ATP2C2: variants seen among roughly 807,000 people sequenced by gnomAD.
ATP2C2 encodes the protein ATPase secretory pathway Ca2+ transporting 2.
In ATP2C2, 171 loss-of-function variants were observed where a neutral mutation model predicts 110.8. That is an observed-to-expected ratio of 1.54 (90% CI 1.36 to 1.75). The LOEUF is 1.75. Ranked by LOEUF, ATP2C2 falls within the 40% of genes most tolerant of loss-of-function variation. The probability of loss-of-function intolerance (pLI) is 0.00; values close to 1 mark genes in which losing one functional copy is unlikely to be tolerated. For missense variants in ATP2C2, 1,963 were observed against 1,235.0 expected, an observed-to-expected ratio of 1.59 and a Z score of -8.84; for synonymous variants, 804 against 508.4, an observed-to-expected ratio of 1.58 and a Z score of -7.82.
chr16:84,433,510 G>A (rs1224107024), intron 11 of ATP2C2, among the ~76,000 whole-genome samples: 12 of 151,948 alleles, frequency 7.9e-5, no homozygotes, highest in East Asian at 1.9e-4. Context: ...AAAATTAGCC[G>A]GGCATGGTGG....
At chr16:84,455,650 T>C (rs1005325354) in intron 21 of ATP2C2, among the ~76,000 whole-genome samples, 1 of 151,666 alleles carries the variant, frequency 6.6e-6, no homozygotes, top group African/African-American at 2.4e-5. Flanking sequence ...TTAAGCCTGA[T>C]ACAAAAAATC....
chr16:84,439,666 C>T (rs762018459), intron 13 of ATP2C2, 142 bp downstream of exon 13: 1 of 798,102 alleles, frequency 1.3e-6, no homozygotes, highest in South Asian at 1.7e-5. Flanking sequence ...GCTAACATGA[C>T]TGATTTTGTT....
At chr16:84,378,745 C>T (rs1336918342) in intron 1 of ATP2C2, among the ~76,000 whole-genome samples, 1 of 152,188 alleles carries the variant, frequency 6.6e-6, no homozygotes, top group African/African-American at 2.4e-5. Context: ...CAAAACGGCC[C>T]CCTCCTTGAA....
At chr16:84,411,700 C>T (rs35702611) in intron 6 of ATP2C2, among the ~76,000 whole-genome samples, 30,245 of 152,124 alleles carry the variant, frequency 0.2, 3,521 homozygotes, top group African/African-American at 0.33. Context: ...CCTCAGCCTC[C>T]TAAAGTAGTG....
At chr16:84,382,162 T>C (rs919746477) in intron 1 of ATP2C2, among the ~76,000 whole-genome samples, 1 of 151,962 alleles carries the variant, frequency 6.6e-6, no homozygotes, top group African/African-American at 2.4e-5. Context: ...CAGGCCCCGG[T>C]GTGTGATGTT....
In ATP2C2 at chr16:84,442,600, G is replaced by GCAT; in HGVS notation, c.1401+1_1401+2insCAT. On this transcript the variant is annotated splice_donor_variant, in intron 15 of 26. Coordinates refer to ENST00000262429, the MANE Select transcript of ATP2C2 (RefSeq NM_014861.4). LOFTEE classifies it high-confidence loss of function. ...TGCATTGATGGCCCTGGCGATGAAG[G>GCAT]TAGGAGGTCCTGGGGTGGCTCTGCG... 1 of 1,613,852 alleles carries GCAT rather than the reference G, an allele frequency of 6.2e-7. No individual in the cohort carries two copies. The highest frequency in any genetic ancestry group is 8.5e-7 in the Non-Finnish European group (1 of 1,179,832).
intron 1 of ATP2C2, among the ~76,000 whole-genome samples, chr16:84,394,697 C>G (rs1904866408): frequency 6.6e-6 from 1 of 152,136 alleles, no homozygotes; most frequent in Non-Finnish European, 1.5e-5. Flanking sequence ...TCATGGCCAG[C>G]AATCCCCAGC....
intron 6 of ATP2C2, among the ~76,000 whole-genome samples, chr16:84,412,782 C>A (rs1471386139): frequency 6.6e-6 from 1 of 152,046 alleles, no homozygotes; most frequent in African/African-American, 2.4e-5. Flanking sequence ...ACATACCTGG[C>A]TGCTCAAAGT....
chr16:84,389,598 C>T (rs1170243900), intron 1 of ATP2C2, among the ~76,000 whole-genome samples: 1 of 152,142 alleles, frequency 6.6e-6, no homozygotes, highest in African/African-American at 2.4e-5. Context: ...CTTCGGGCCC[C>T]TTGGTGTCCT....
chr16:84,403,518 G>A (rs1905482321), intron 2 of ATP2C2, among the ~76,000 whole-genome samples: 1 of 151,954 alleles, frequency 6.6e-6, no homozygotes, highest in Non-Finnish European at 1.5e-5. Flanking sequence ...ATATTGCCCA[G>A]ACTAGCCTTG....
chr16:84,452,024 T>C lies in ATP2C2; in HGVS notation c.1764T>C (p.Val588=). The change falls in exon 18 of 27, where the codon GTT becomes GTC. Residue 588 remains valine (V), a synonymous_variant. Transcript: ENST00000262429. The part of the protein sequence containing the change: ...PRVGVKEAVQ[V]LSESGVSVKM... ...TTGGCGTGAAGGAAGCAGTCCAGGT[T>C]CTCTCCGAGTCTGGTGTGTCTGTGA... 1 of 1,613,176 alleles carries C rather than the reference T, an allele frequency of 6.2e-7. No individual in the cohort carries two copies. The highest frequency in any genetic ancestry group is 8.5e-7 in the Non-Finnish European group (1 of 1,179,876).
chr16:84,412,442 A>G (rs1254833301), intron 6 of ATP2C2, among the ~76,000 whole-genome samples: 1 of 131,418 alleles, frequency 7.6e-6, no homozygotes, highest in Non-Finnish European at 1.6e-5. Flanking sequence ...GTGTGTATGC[A>G]TGTGTGTGTC....
chr16:84,453,640 A>G (rs897334667), intron 20 of ATP2C2, among the ~76,000 whole-genome samples: 24 of 152,170 alleles, frequency 1.6e-4, no homozygotes, highest in Admixed American at 1.4e-3. Context: ...TGGCCAGAAC[A>G]CAGTCACGGG....
intron 1 of ATP2C2, among the ~76,000 whole-genome samples, chr16:84,390,473 C>T (rs185006542): frequency 1.3e-5 from 2 of 152,356 alleles, no homozygotes; most frequent in Admixed American, 6.5e-5. Flanking sequence ...AGGGAGGCTG[C>T]GCTCACCGTC....
chr16:84,421,224 G>A (rs1374560586), intron 7 of ATP2C2, among the ~76,000 whole-genome samples: 2 of 152,158 alleles, frequency 1.3e-5, no homozygotes, highest in Non-Finnish European at 2.9e-5. Context: ...TCCAGAGCTG[G>A]AGCCGCGGGA....
chr16:84,407,046 A>G lies in ATP2C2; in HGVS notation c.328-1359A>G, dbSNP rs562969038. ...GCAATGCATCTGTGGGAATCCTTGT[A>G]GGACTGGACGGGAGCTCCTGACGGC... is the stretch of plus-strand genomic sequence containing the variant. On this transcript the variant is annotated intron_variant, in intron 3 of 26. Transcript: ENST00000262429. 3.3e-5 allele frequency: 5 copies of G among 152,410 alleles called. No homozygotes were observed. In the East Asian group the frequency reaches 5.8e-4, roughly 18 times the overall value. The allele number at this position is 152,410 out of a possible 1,614,324, so 9.4% of individuals were successfully genotyped here.
intron 7 of ATP2C2, among the ~76,000 whole-genome samples, chr16:84,418,190 G>A (rs1037673973): frequency 6.6e-6 from 1 of 152,228 alleles, no homozygotes. Context: ...TGGGGGCACC[G>A]GGTGGGCATG....
At chr16:84,454,675 A>T in intron 20 of ATP2C2, 143 bp from the exon 21 acceptor site, 1 of 844,850 alleles carries the variant, frequency 1.2e-6, no homozygotes, top group Non-Finnish European at 1.7e-6. Flanking sequence ...CCCAATTCCC[A>T]CAGCTAATGT....
At chr16:84,452,274 C>T (rs1910357054) in intron 18 of ATP2C2, among the ~76,000 whole-genome samples, 183 bp downstream of exon 18, 1 of 152,178 alleles carries the variant, frequency 6.6e-6, no homozygotes, top group South Asian at 2.1e-4. Flanking sequence ...GTTCTCGTTT[C>T]TGAAATGTTG....
Sources: allele counts gnomAD v4.1 joint callset (sites outside exome capture counted in the v4.1 genomes callset), GRCh38; gene constraint gnomAD v4.1.1; transcripts MANE v1.5; gene names NCBI Gene and HGNC (gene_info 2026-07-23, HGNC 2026-07-21).